Variants in NUP188 observed in about 807,000 individuals in gnomAD.
The protein encoded by NUP188 is nucleoporin NUP188.
A neutral mutation model predicts 223.0 loss-of-function variants in NUP188; 97 were observed. The ratio of observed to expected loss-of-function variants is 0.43; its 90% CI spans 0.37 to 0.51. The LOEUF (loss-of-function observed/expected upper bound fraction) is 0.51, where lower values mean the gene tolerates loss of function less well. NUP188 is among the 20% of genes least tolerant of loss of function. The pLI is 0.00. For missense variants in NUP188, 1,947 were observed against 2,175.6 expected, an observed-to-expected ratio of 0.89 and a Z score of 2.09; for synonymous variants, 869 against 828.0, an observed-to-expected ratio of 1.05 and a Z score of -0.85.
Position 128,958,048 on chromosome 9 carries a change from C to A in NUP188, c.366C>A (p.Ile122=), listed in dbSNP as rs1338975204. ...LQDERQSQAL[I]LKIADYYYEE... is the part of the protein sequence containing the mutation. The stretch of plus-strand genomic sequence containing the variant: ...ATGAGAGGCAGAGCCAGGCCTTAAT[C>A]CTGAAGGTCAGTAGTAGTCACCATT... Residue 122 remains isoleucine (I), a synonymous_variant, in exon 6 of 44, where the codon ATC becomes ATA. Transcript: ENST00000372577. The A allele has an allele frequency of 3.7e-6, 6 of 1,612,126 alleles. No homozygotes were observed. The highest frequency in any genetic ancestry group is 5.1e-6 in the Non-Finnish European group (6 of 1,178,730).
At chr9:129,002,656 C>G (rs1842692274) in intron 36 of NUP188, among the ~76,000 whole-genome samples, 161 bp from the exon 37 acceptor site, 1 of 152,224 alleles carries the variant, frequency 6.6e-6, no homozygotes. Flanking sequence ...CTTGAATCTG[C>G]TGGTGTTGGC....
Position 128,986,853 on chromosome 9 carries a change from C to T in NUP188, c.2242C>T (p.His748Tyr), listed in dbSNP as rs370505380. The T allele has an allele frequency of 1.9e-6, 3 of 1,613,910 alleles. No individual in the cohort carries two copies. The African/African-American group carries it at 4.0e-5, about 22-fold the overall frequency. The change falls in exon 22 of 44, where the codon CAC becomes TAC. Residue 748 changes from histidine (H) to tyrosine (Y), a missense_variant. Physicochemically the swap from His to Tyr is moderately conservative, Grantham distance 83 (BLOSUM62 2). Transcript: ENST00000372577. ...GATTCATGCGATACTGAACCTGTGC[C>T]ACGAGACAGACCTGCACAGCAGGTA... ...ELIHAILNLC[H>Y]ETDLHSSHTP...
intron 2 of NUP188, among the ~76,000 whole-genome samples, chr9:128,950,256 C>T (rs901194450): frequency 1.3e-5 from 2 of 151,408 alleles, no homozygotes; most frequent in African/African-American, 2.4e-5. Context: ...CAGAGTCTGG[C>T]TCTCGCCCAG....
chr9:129,004,792 C>T (rs575839746), intron 38 of NUP188: 6 of 252,010 alleles, frequency 2.4e-5, no homozygotes, highest in African/African-American at 8.8e-5. Flanking sequence ...CATGAGCCAC[C>T]GCACCCGGCC....
At chr9:129,003,701 A>T (rs1179427321) in intron 38 of NUP188, 5 of 584,096 alleles carry the variant, frequency 8.6e-6, no homozygotes, top group Middle Eastern at 3.7e-4. Flanking sequence ...ATCCCTTAAG[A>T]ATACACTTGG....
At chr9:129,000,535 G>C (rs1003251585) in intron 34 of NUP188, among the ~76,000 whole-genome samples, 1 of 150,424 alleles carries the variant, frequency 6.6e-6, no homozygotes, top group Non-Finnish European at 1.5e-5. Flanking sequence ...AGCCAGGATG[G>C]CCTCGATCTC....
Position 128,947,739 on chromosome 9 carries a change from G to A in NUP188, c.20G>A (p.Gly7Glu). 6.8e-7 allele frequency: 1 copy of A among 1,474,708 alleles called. No individual in the cohort carries two copies. Among genetic ancestry groups the A allele is most frequent in the Non-Finnish European group, 9.0e-7 (1 of 1,115,538 alleles). 91.4% of individuals were successfully genotyped at this position (1,474,708 alleles called of 1,614,324 possible). MAAAAG[G>E]PCVRSSRELW... is the part of the protein sequence containing the mutation. ...GCGAAGATGGCGGCGGCCGCCGGCGGGCCGTGTGTGAGGTGCGGAGCGGGT... is the reference window on the plus strand; with the variant it reads ...GCGAAGATGGCGGCGGCCGCCGGCGAGCCGTGTGTGAGGTGCGGAGCGGGT... The change falls in exon 1 of 44, where the codon GGG becomes GAG. Residue 7 changes from glycine (G) to glutamate (E), a missense_variant. This residue lies in a region of NUP188 where 817 missense variants were observed against 865.8 expected (regional missense o/e 0.94). Transcript: ENST00000372577.
chr9:128,957,865 T>C, intron 5 of NUP188, 145 bp from the exon 6 acceptor site: 1 of 629,086 alleles, frequency 1.6e-6, no homozygotes, highest in Non-Finnish European at 2.8e-6. Context: ...TTGGGTACAT[T>C]TGGGTAAAAA....
At chr9:128,988,003 G>A (rs1380734768) in intron 23 of NUP188, 44 bp from the exon 24 acceptor site, 1 of 1,606,332 alleles carries the variant, frequency 6.2e-7, no homozygotes, top group Admixed American at 1.7e-5. Context: ...TGCGAATGAA[G>A]TCATACTGTC....
At chr9:128,971,632 C>G (rs1027722021) in intron 11 of NUP188, among the ~76,000 whole-genome samples, 18 of 152,030 alleles carry the variant, frequency 1.2e-4, no homozygotes, top group African/African-American at 4.3e-4. Flanking sequence ...CTTGGCCAAG[C>G]TAGTCTTGAA....
At chr9:128,967,644 G>T (rs1216773869) in intron 8 of NUP188, among the ~76,000 whole-genome samples, 1 of 152,150 alleles carries the variant, frequency 6.6e-6, no homozygotes, top group African/African-American at 2.4e-5. Flanking sequence ...AAAAAAATCA[G>T]CCGGGCGTGG....
intron 1 of NUP188, 103 bp downstream of exon 1, chr9:128,947,854 G>A (rs761746989): frequency 5.3e-6 from 6 of 1,128,756 alleles, no homozygotes; most frequent in Non-Finnish European, 6.9e-6. Context: ...ACAGTGGCAG[G>A]GCCAACCCCG....
intron 1 of NUP188, chr9:128,947,998 C>T: frequency 5.2e-6 from 2 of 383,188 alleles, no homozygotes; most frequent in Non-Finnish European, 9.2e-6. Context: ...CCCATCTCCT[C>T]ACCCAGGGCC....
At chr9:128,955,038 A>G (rs1469128356) in intron 3 of NUP188, among the ~76,000 whole-genome samples, 4 of 151,770 alleles carry the variant, frequency 2.6e-5, no homozygotes, top group African/African-American at 9.7e-5. Context: ...TTTAGTAGAG[A>G]CAGGGTTTCA....
chr9:128,989,249 AAAG>A (rs1842381611), intron 24 of NUP188, among the ~76,000 whole-genome samples: 1 of 152,138 alleles, frequency 6.6e-6, no homozygotes, highest in African/African-American at 2.4e-5. Flanking sequence ...CAAACAAAAA[AAAG>A]TAGCTGGGCC....
At chr9:128,988,334 C>T (rs1184978988) in intron 24 of NUP188, 148 bp downstream of exon 24, 8 of 868,690 alleles carry the variant, frequency 9.2e-6, no homozygotes, top group Non-Finnish European at 1.5e-5. Flanking sequence ...CAGCTCCTTT[C>T]CTGAAATTGG....
At chr9:128,969,767 C>T (rs1287487760) in intron 10 of NUP188, among the ~76,000 whole-genome samples, 1 of 152,090 alleles carries the variant, frequency 6.6e-6, no homozygotes, top group Non-Finnish European at 1.5e-5. Context: ...GATTCTTCTG[C>T]CTCAGCCTCC....
intron 10 of NUP188, among the ~76,000 whole-genome samples, chr9:128,969,795 A>G (rs890677688): frequency 6.6e-6 from 1 of 152,010 alleles, no homozygotes; most frequent in African/African-American, 2.4e-5. Context: ...CTGGGATCAC[A>G]GCTAATTTTT....
At chr9:128,967,886 G>C (rs977399267) in intron 8 of NUP188, among the ~76,000 whole-genome samples, 2 of 152,140 alleles carry the variant, frequency 1.3e-5, no homozygotes, top group South Asian at 2.1e-4. Context: ...GCTTGAGCCC[G>C]GTGGGTCAAA....
Sources: allele counts gnomAD v4.1 joint callset (sites outside exome capture counted in the v4.1 genomes callset), GRCh38; gene constraint gnomAD v4.1.1; regional missense constraint gnomAD v4.1.1; transcripts MANE v1.5; gene names NCBI Gene and HGNC (gene_info 2026-07-23, HGNC 2026-07-21).